Variants in AKAP12 observed in about 807,000 individuals in gnomAD.
AKAP12 encodes the protein A-kinase anchoring protein 12, also known as A-kinase anchor protein 12.
A neutral mutation model predicts 79.9 loss-of-function variants in AKAP12; 32 were observed. The observed-to-expected ratio is 0.40, with a 90% CI of 0.30 to 0.54. The LOEUF is 0.54. Ranked by LOEUF, AKAP12 falls within the 20% of genes least tolerant of loss-of-function variation. AKAP12 has a pLI of 0.48. For synonymous variants in AKAP12, 808 were observed against 857.0 expected (o/e 0.94, Z 1.00); for missense variants, 2,074 against 2,177.0 (o/e 0.95, Z 0.94).
intron 2 of AKAP12, among the ~76,000 whole-genome samples, chr6:151,262,663 G>A (rs1797461239): frequency 6.6e-6 from 1 of 152,148 alleles, no homozygotes; most frequent in Non-Finnish European, 1.5e-5. Context: ...TTTTTAGCAA[G>A]TGAATATCTG....
At chr6:151,257,262 G>A (rs942095528) in intron 2 of AKAP12, among the ~76,000 whole-genome samples, 4 of 151,764 alleles carry the variant, frequency 2.6e-5, no homozygotes, top group African/African-American at 4.8e-5. Context: ...TTCTGTCCAC[G>A]AGCACTTAAT....
In AKAP12 at chr6:151,353,721, C is replaced by G; in HGVS notation, c.5330C>G (p.Ser1777Ter). 1 of 1,589,506 alleles carries G rather than the reference C, an allele frequency of 6.3e-7. No homozygotes were observed. Among genetic ancestry groups the G allele is most frequent in the Non-Finnish European group, 8.5e-7 (1 of 1,169,784 alleles). Reference sequence around the variant, plus strand: ...AAACAAGAGAGAGAATCTGCAAAGTCAGAACTTACAGAATCTTAAAACATC... The same window carrying G: ...AAACAAGAGAGAGAATCTGCAAAGTGAGAACTTACAGAATCTTAAAACATC... ...LQKQERESAK[S>*]ELTES Residue 1777 changes from serine (S) to a stop codon, truncating the protein, a stop_gained, in exon 4 of 5, where the codon TCA becomes TGA. Transcript: ENST00000402676. LOFTEE classifies it low-confidence loss of function (END_TRUNC).
intron 3 of AKAP12, chr6:151,325,310 T>G: frequency 1.0e-6 from 1 of 985,476 alleles, no homozygotes. Context: ...TTACTGTCTG[T>G]GTGGCTATTT....
chr6:151,328,093 C>T (rs1980489), intron 3 of AKAP12, among the ~76,000 whole-genome samples: 34,035 of 148,054 alleles, frequency 0.23, 4,069 homozygotes, highest in East Asian at 0.44. Context: ...TTTGGGAGGC[C>T]GAGGTGGGCG....
chr6:151,286,826 G>A (rs546054201), intron 2 of AKAP12, among the ~76,000 whole-genome samples: 15 of 152,290 alleles, frequency 9.8e-5, no homozygotes, highest in African/African-American at 3.4e-4. Context: ...AGAGAGTTCA[G>A]GTCTTTTACA....
intron 3 of AKAP12, among the ~76,000 whole-genome samples, chr6:151,320,703 G>A (rs1299150095): frequency 2.6e-5 from 4 of 152,044 alleles, no homozygotes; most frequent in Non-Finnish European, 5.9e-5. Flanking sequence ...CATCTGTTTT[G>A]TTGCTTCAGT....
intron 3 of AKAP12, chr6:151,324,740 C>A: frequency 1.0e-6 from 1 of 985,300 alleles, no homozygotes; most frequent in Non-Finnish European, 1.2e-6. Flanking sequence ...AACGGACCCA[C>A]CCTAACAAAA....
chr6:151,250,130 A>T (rs963059374), intron 2 of AKAP12, among the ~76,000 whole-genome samples: 1 of 152,132 alleles, frequency 6.6e-6, no homozygotes, highest in Non-Finnish European at 1.5e-5. Context: ...CTGTAATTCC[A>T]GCTAGTTGGG....
chr6:151,244,448 C>T (rs1428952926), intron 2 of AKAP12, among the ~76,000 whole-genome samples: 4 of 152,108 alleles, frequency 2.6e-5, no homozygotes, highest in Admixed American at 6.6e-5. Context: ...GGCGTGAACT[C>T]GGGAAGCGGA....
chr6:151,300,137 A>G lies in AKAP12; in HGVS notation c.163-5610A>G, dbSNP rs1048925886. On this transcript the variant is annotated intron_variant, in intron 2 of 4. Coordinates refer to ENST00000402676, the MANE Select transcript of AKAP12 (RefSeq NM_005100.4). The stretch of plus-strand genomic sequence containing the variant: ...ATTTACTTTCAAAACACTTTCTATT[A>G]GAATGAAGGAGAAAACACAATGAAG... Among the ~76,000 whole-genome samples, 7 of 152,100 alleles carry G rather than the reference A, an allele frequency of 4.6e-5. No individual in the cohort carries two copies. In the South Asian group the frequency reaches 1.0e-3, roughly 22 times the overall value.
chr6:151,275,681 C>CA (rs1776280050), intron 2 of AKAP12, among the ~76,000 whole-genome samples: 1 of 152,180 alleles, frequency 6.6e-6, no homozygotes, highest in Non-Finnish European at 1.5e-5. Context: ...TTTACGATGG[C>CA]ATGATCACTG....
chr6:151,332,033 G>GTTT (rs71014573), intron 3 of AKAP12, among the ~76,000 whole-genome samples: 12 of 79,670 alleles, frequency 1.5e-4, no homozygotes, highest in East Asian at 8.9e-4. Context: ...TTCTGGGTCT[G>GTTT]TTTTTTTTTT....
At chr6:151,250,310 C>A (rs1797149170) in intron 2 of AKAP12, among the ~76,000 whole-genome samples, 1 of 150,474 alleles carries the variant, frequency 6.6e-6, no homozygotes, top group African/African-American at 2.4e-5. Context: ...CCAGTCTGAC[C>A]AACATGGTGA....
At chr6:151,240,793 G>A (rs1796957879) in intron 2 of AKAP12, 69 bp downstream of exon 2, 1 of 891,086 alleles carries the variant, frequency 1.1e-6, no homozygotes, top group African/African-American at 1.8e-5. Context: ...GGGTGGGGGG[G>A]TCCCTCCGAT....
At chr6:151,342,397 T>C (rs1387706007) in intron 3 of AKAP12, among the ~76,000 whole-genome samples, 1 of 152,148 alleles carries the variant, frequency 6.6e-6, no homozygotes, top group Admixed American at 6.6e-5. Context: ...CCAGACTAGG[T>C]AGGTTAGAAG....
At chr6:151,344,470 C>T (rs1778032750) in intron 3 of AKAP12, among the ~76,000 whole-genome samples, 1 of 152,040 alleles carries the variant, frequency 6.6e-6, no homozygotes, top group East Asian at 1.9e-4. Flanking sequence ...CAAAAAAAAA[C>T]TCTAGGTCAC....
chr6:151,319,443 GTCTATCTATCTATCTATCTATCTA>G (rs59954289), intron 3 of AKAP12, among the ~76,000 whole-genome samples: 2 of 140,262 alleles, frequency 1.4e-5, no homozygotes, highest in African/African-American at 5.4e-5. Flanking sequence ...ACAGGTGTCT[GTCTATCTATCTATCTATCTATCTA>G]TCTATCTATC....
intron 2 of AKAP12, among the ~76,000 whole-genome samples, chr6:151,248,198 C>T (rs889439185): frequency 6.6e-6 from 1 of 152,000 alleles, no homozygotes; most frequent in African/African-American, 2.4e-5. Context: ...TTTTCAAAGA[C>T]ACCCCTACAC....
chr6:151,256,618 G>GTA (rs1279976950), intron 2 of AKAP12, among the ~76,000 whole-genome samples: 2 of 151,950 alleles, frequency 1.3e-5, no homozygotes, highest in South Asian at 2.1e-4. Context: ...GTGTGTGTGT[G>GTA]TATATACACA....
Sources: gnomAD v4.1 joint callset for allele counts (sites outside exome capture counted in the v4.1 genomes callset) on GRCh38, gnomAD v4.1.1 for gene constraint, MANE v1.5 for transcripts, NCBI Gene and HGNC (gene_info 2026-07-23, HGNC 2026-07-21) for gene names.